Variants in SIGLEC1 observed in about 807,000 individuals in gnomAD.
SIGLEC1 encodes the protein sialoadhesin.
In SIGLEC1, 132 loss-of-function variants were observed where a neutral mutation model predicts 148.0. The observed-to-expected ratio is 0.89, with a 90% confidence interval of 0.77 to 1.03. The LOEUF is 1.03. Among genes scored for constraint, SIGLEC1 ranks in the 50% least tolerant of loss-of-function variants. The pLI, the probability that SIGLEC1 is intolerant of heterozygous loss-of-function variation, is 0.00. For missense variants in SIGLEC1, 2,253 were observed against 2,271.4 expected, an observed-to-expected ratio of 0.99 and a Z score of 0.16; for synonymous variants, 945 against 969.0, an observed-to-expected ratio of 0.98 and a Z score of 0.46.
Position 3,692,553 on chromosome 20 carries a change from C to T in SIGLEC1, c.3998G>A (p.Arg1333His), listed in dbSNP as rs141770461. The T allele has an allele frequency of 2.7e-5, 44 of 1,605,384 alleles. No homozygotes were observed. In the African/African-American group the frequency reaches 2.8e-4, roughly 10 times the overall value. The change falls in exon 16 of 22, where the codon CGC (arginine) becomes CAC (histidine). Residue 1333 changes from arginine to histidine, a missense_variant. Arg to His is a conservative substitution (Grantham distance 29, BLOSUM62 0). Transcript: ENST00000344754. ...TTGCAGGGCAGCAGGACGGGAGCTG[C>T]GGGTGCCCTGGGCATCCTGGGCCTG... Reference protein sequence around the residue: ...SCQAQDAQGTRSSRPAALQVL... With the variant: ...SCQAQDAQGTHSSRPAALQVL...
At chr20:3,706,777 C>G in intron 2 of SIGLEC1, 71 bp from the exon 3 acceptor site, 2 of 1,458,768 alleles carry the variant, frequency 1.4e-6, no homozygotes, top group Non-Finnish European at 1.8e-6. Context: ...AGCCCTGCGA[C>G]CTGCCCCAGA....
At chr20:3,701,699 C>G in intron 6 of SIGLEC1, 58 bp from the exon 7 acceptor site, 2 of 1,464,058 alleles carry the variant, frequency 1.4e-6, no homozygotes, top group Non-Finnish European at 1.8e-6. Flanking sequence ...CCCTGGATAC[C>G]CTGATACAAC....
At chr20:3,691,632 A>G (rs775221700) in intron 17 of SIGLEC1, 32 bp from the exon 18 acceptor site, 1 of 1,601,900 alleles carries the variant, frequency 6.2e-7, no homozygotes, top group Admixed American at 1.7e-5. Context: ...ATGATTGGGG[A>G]TCTGTAGGCC....
At chr20:3,705,148 C>T (rs1437212872) in intron 4 of SIGLEC1, among the ~76,000 whole-genome samples, 1 of 152,186 alleles carries the variant, frequency 6.6e-6, no homozygotes, top group African/African-American at 2.4e-5. Context: ...AGGCATATGC[C>T]ACCACACCCG....
At chr20:3,701,179 GAA>G (rs1568844751) in intron 7 of SIGLEC1, among the ~76,000 whole-genome samples, 161 bp downstream of exon 7, 2 of 152,184 alleles carry the variant, frequency 1.3e-5, no homozygotes, top group Non-Finnish European at 2.9e-5. Context: ...TGACTTCCAG[GAA>G]GCTCTGCCGT....
In SIGLEC1 at chr20:3,705,750, C is replaced by G. The variant is rs1299584407; in HGVS notation, c.700G>C (p.Val234Leu). The G allele has an allele frequency of 3.1e-6, 5 of 1,605,056 alleles. No individual in the cohort carries two copies. Among genetic ancestry groups the G allele is most frequent in the Non-Finnish European group, 4.3e-6 (5 of 1,173,486 alleles). The change falls in exon 4 of 22, where the codon GTG becomes CTG. Residue 234 changes from valine (V) to leucine (L), a missense_variant. Coordinates refer to ENST00000344754, the MANE Select transcript of SIGLEC1 (RefSeq NM_023068.4). Reference sequence around the variant, plus strand: ...GTGTCCCCAGACAACTCACACTTCACTTGGAGGTGAATCTCGCTCTGAGCC... The same window carrying G: ...GTGTCCCCAGACAACTCACACTTCAGTTGGAGGTGAATCTCGCTCTGAGCC... ...HRAQSEIHLQ[V>L]KYAPKGVKIL...
Position 3,688,579 on chromosome 20 carries a change from C to T in SIGLEC1, c.5111G>A (p.Cys1704Tyr). 2 of 1,602,432 alleles carry T rather than the reference C, an allele frequency of 1.2e-6. No individual in the cohort carries two copies. The highest frequency in any genetic ancestry group is 1.7e-6 in the Non-Finnish European group (2 of 1,174,144). ...PDAATCETSTCAPPLG is the reference protein window; with the variant it reads ...PDAATCETSTYAPPLG ...CACTGGTCAGCCCAGGGGTGGGGCACAGGTTGAGGTCTCACATGTGGCTGC... is the reference window on the plus strand; with the variant it reads ...CACTGGTCAGCCCAGGGGTGGGGCATAGGTTGAGGTCTCACATGTGGCTGC... Residue 1704 changes from cysteine (C) to tyrosine (Y), a missense_variant, in exon 22 of 22, where the codon TGT becomes TAT. Physicochemically the swap from Cys to Tyr is radical, Grantham distance 194. Transcript: ENST00000344754.
rs768288862 is a variant in SIGLEC1, at chr20:3,696,640, C to G, written c.2629G>C (p.Glu877Gln). The G allele has an allele frequency of 6.2e-7, 1 of 1,613,726 alleles. No homozygotes were observed. The highest frequency in any genetic ancestry group is 1.1e-5 in the South Asian group (1 of 91,074). The change falls in exon 11 of 22, where the codon GAG becomes CAG. Residue 877 changes from glutamate (E) to glutamine (Q), a missense_variant. Physicochemically the swap from Glu to Gln is conservative, Grantham distance 29. Transcript: ENST00000344754. ...GLGDSGSYRCEATNVLGSSNT... is the reference protein window; with the variant it reads ...GLGDSGSYRCQATNVLGSSNT... Reference sequence around the variant, plus strand: ...GATGATCCAAGAACATTTGTGGCCTCACAGCGGTAGCTGCCAGAGTCCCCA... The same window carrying G: ...GATGATCCAAGAACATTTGTGGCCTGACAGCGGTAGCTGCCAGAGTCCCCA...
rs191374896 is a variant in SIGLEC1, at chr20:3,688,464, C to G, written c.*96G>C. 4.4e-5 allele frequency: 46 copies of G among 1,041,480 alleles called. No individual in the cohort carries two copies. The highest frequency in any genetic ancestry group is 6.7e-5 in the Non-Finnish European group (46 of 683,938). 64.5% of individuals were successfully genotyped at this position (1,041,480 alleles called of 1,614,324 possible). A position where few individuals can be genotyped will look rare whatever the true frequency, so the allele number is the denominator to read the frequency against. On this transcript the variant is annotated 3_prime_UTR_variant, in exon 22 of 22. Transcript: ENST00000344754. The stretch of plus-strand genomic sequence containing the variant: ...TGTCACAGAGCTGTTTTCGTAGAGG[C>G]GGGCAGGACTCAACACTGCCTCATT...
chr20:3,701,614 G>A lies in SIGLEC1; in HGVS notation c.1256C>T (p.Ala419Val), dbSNP rs200434217. ...AAGTCCCGCCTGGGTCTCCAGGAAGGCTGTCAGGACTGGAGTGAGAGGCGG... is the reference window on the plus strand; with the variant it reads ...AAGTCCCGCCTGGGTCTCCAGGAAGACTGTCAGGACTGGAGTGAGAGGCGG... ...NHPPLTPVLT[A>V]FLETQAGLVG... The change falls in exon 7 of 22, where the codon GCC (alanine) becomes GTC (valine). Residue 419 changes from alanine to valine, a missense_variant. Transcript: ENST00000344754. 1.2e-4 allele frequency: 186 copies of A among 1,583,020 alleles called. No individual in the cohort carries two copies. The highest frequency in any genetic ancestry group is 3.4e-6 in the Non-Finnish European group (4 of 1,159,714).
At chr20:3,698,515 G>A (rs1323359471) in intron 8 of SIGLEC1, among the ~76,000 whole-genome samples, 2 of 152,212 alleles carry the variant, frequency 1.3e-5, no homozygotes, top group African/African-American at 4.8e-5. Context: ...GCCTTACCAC[G>A]GAGCCTCCCC....
At position 3,705,870 on chromosome 20, in the gene SIGLEC1, T is replaced by C; in HGVS notation, c.580A>G (p.Thr194Ala). 1 of 1,614,108 alleles carries C rather than the reference T, an allele frequency of 6.2e-7. No homozygotes were observed. Among genetic ancestry groups the C allele is most frequent in the Non-Finnish European group, 8.5e-7 (1 of 1,180,030 alleles). The change falls in exon 4 of 22, where the codon ACC becomes GCC. Residue 194 changes from threonine to alanine, a missense_variant. Thr to Ala is a moderately conservative substitution (Grantham distance 58). Transcript: ENST00000344754. ...VTFNSQKFEP[T>A]GVGHLETLHM... ...AGGGTCTCCAGGTGGCCGACGCCGG[T>C]GGGCTCAAACTTCTGGCTGTTGAAG...
At position 3,693,745 on chromosome 20, in the gene SIGLEC1, T is replaced by C. The variant is rs1043826135; in HGVS notation, c.3257-47A>G. 3.3e-6 allele frequency: 5 copies of C among 1,514,374 alleles called. No homozygotes were observed. In the African/African-American group the frequency reaches 6.9e-5, roughly 21 times the overall value. 93.8% of individuals were successfully genotyped at this position (1,514,374 alleles called of 1,614,324 possible). ...GACACCAGTGAGGGTCTTGAGGCTG[T>C]GTACAGCAGGCCACCTGTCTCCATG... On this transcript the variant is annotated intron_variant, in intron 13 of 21. Coordinates refer to ENST00000344754, the MANE Select transcript of SIGLEC1 (RefSeq NM_023068.4).
At position 3,699,251 on chromosome 20, in the gene SIGLEC1, G is replaced by A. The variant is rs894844698; in HGVS notation, c.1737C>T (p.Asp579=). Residue 579 remains aspartate, a synonymous_variant, in exon 8 of 22, where the codon GAC becomes GAT. Coordinates refer to ENST00000344754, the MANE Select transcript of SIGLEC1 (RefSeq NM_023068.4). Reference sequence around the variant, plus strand: ...AAGAGGGGCCACTGGCACTGTGGCCGTCCCGGGCCCGGCAGTGGTATGAGC... The same window carrying A: ...AAGAGGGGCCACTGGCACTGTGGCCATCCCGGGCCCGGCAGTGGTATGAGC... ...DAGSYHCRAR[D]GHSASGPSSP... The A allele has an allele frequency of 6.8e-6, 11 of 1,610,102 alleles. No homozygotes were observed. Among genetic ancestry groups the A allele is most frequent in the Admixed American group, 1.7e-5 (1 of 59,652 alleles).
chr20:3,689,142 G>A lies in SIGLEC1; in HGVS notation c.5070+13C>T. 1 of 1,610,728 alleles carries A rather than the reference G, an allele frequency of 6.2e-7. No individual in the cohort carries two copies. The highest frequency in any genetic ancestry group is 2.2e-5 in the East Asian group (1 of 44,862). On this transcript the variant is annotated intron_variant, in intron 21 of 21. Coordinates refer to ENST00000344754, the MANE Select transcript of SIGLEC1 (RefSeq NM_023068.4). ...CTGGGTATTATATCTGCCCGTGTGT[G>A]TTGAATGGATACCTGCGTGGTCTCT...
In SIGLEC1 at chr20:3,706,656, C is replaced by G; in HGVS notation, c.100G>C (p.Gly34Arg). The G allele has an allele frequency of 6.4e-7, 1 of 1,567,450 alleles. No homozygotes were observed. Among genetic ancestry groups the G allele is most frequent in the Non-Finnish European group, 8.6e-7 (1 of 1,156,496 alleles). Reference sequence around the variant, plus strand: ...ATGCAGGGGATAAGCAGGCAAGACCCCTTCACACCCTGCACGTCCTGGGGA... The same window carrying G: ...ATGCAGGGGATAAGCAGGCAAGACCGCTTCACACCCTGCACGTCCTGGGGA... ...SSPQDVQGVK[G>R]SCLLIPCIFS... The change falls in exon 3 of 22, where the codon GGG (glycine) becomes CGG (arginine). Residue 34 changes from glycine to arginine, a missense_variant. By Grantham distance (125) the Gly-to-Arg change is moderately radical. Transcript: ENST00000344754.
Position 3,694,654 on chromosome 20 carries a change from A to T in SIGLEC1, c.2944+9T>A. On this transcript the variant is annotated intron_variant, in intron 12 of 21. Coordinates refer to ENST00000344754, the MANE Select transcript of SIGLEC1 (RefSeq NM_023068.4). ...TTCCCCCACACCTGGATGGGACAAA[A>T]GTCCTTACAGGACACGTGGAGGCTG... The T allele has an allele frequency of 6.2e-7, 1 of 1,607,378 alleles. No homozygotes were observed. The highest frequency in any genetic ancestry group is 2.2e-5 in the East Asian group (1 of 44,786).
chr20:3,688,772 T>G, intron 21 of SIGLEC1, 153 bp from the exon 22 acceptor site: 1 of 625,680 alleles, frequency 1.6e-6, no homozygotes, highest in Non-Finnish European at 2.8e-6. Flanking sequence ...GTGAATCAGC[T>G]GCAGAAGGGA....
At chr20:3,689,280 C>A (rs1600277727) in intron 20 of SIGLEC1, 53 bp from the exon 21 acceptor site, 1 of 1,476,126 alleles carries the variant, frequency 6.8e-7, no homozygotes, top group Non-Finnish European at 9.5e-7. Flanking sequence ...ACCTCCTGCC[C>A]CCATTCCTCT....
Sources: gnomAD v4.1 joint callset for allele counts (sites outside exome capture counted in the v4.1 genomes callset) on GRCh38, gnomAD v4.1.1 for gene constraint, MANE v1.5 for transcripts, NCBI Gene and HGNC (gene_info 2026-07-23, HGNC 2026-07-21) for gene names.